Variants in PRIMPOL observed in about 807,000 individuals in gnomAD.
PRIMPOL encodes the protein DNA-directed primase/polymerase protein.
A neutral mutation model predicts 63.6 loss-of-function variants in PRIMPOL; 54 were observed. The ratio of observed to expected loss-of-function variants is 0.85; its 90% CI spans 0.68 to 1.07. PRIMPOL has a LOEUF of 1.07. Among genes scored for constraint, PRIMPOL ranks in the 50% least tolerant of loss-of-function variants. The pLI, the probability that PRIMPOL is intolerant of heterozygous loss-of-function variation, is 0.00. For missense variants in PRIMPOL, 610 were observed against 648.3 expected (o/e 0.94, Z 0.64); for synonymous variants, 197 against 220.2 (o/e 0.89, Z 0.93).
intron 13 of PRIMPOL, chr4:184,694,204 C>T: frequency 1.9e-6 from 2 of 1,054,606 alleles, no homozygotes; most frequent in Non-Finnish European, 2.3e-6. Context: ...TCTGATTTGT[C>T]TTCAGCTGGA....
chr4:184,672,397 C>A lies in PRIMPOL; in HGVS notation c.781C>A (p.Pro261Thr). The change falls in exon 7 of 14, where the codon CCT becomes ACT. Residue 261 changes from proline (P) to threonine (T), a missense_variant. Pro to Thr is a conservative substitution (Grantham distance 38). This residue lies in a region of PRIMPOL where 444 missense variants were observed against 456.4 expected (regional missense o/e 0.97). Coordinates refer to ENST00000314970, the MANE Select transcript of PRIMPOL (RefSeq NM_152683.4). ...ERLGSAEQSS[P>T]DLSFLVVKNN... ...GCTGGGGTCAGCTGAGCAAAGCAGTCCTGACCTTTCATTTCTAGTTGTGAA... is the reference window on the plus strand; with the variant it reads ...GCTGGGGTCAGCTGAGCAAAGCAGTACTGACCTTTCATTTCTAGTTGTGAA... The A allele has an allele frequency of 6.2e-7, 1 of 1,613,434 alleles. No individual in the cohort carries two copies. Among genetic ancestry groups the A allele is most frequent in the Middle Eastern group, 1.7e-4 (1 of 6,058 alleles).
chr4:184,659,490 C>A, intron 4 of PRIMPOL, 53 bp downstream of exon 4: 1 of 1,345,436 alleles, frequency 7.4e-7, no homozygotes, highest in Non-Finnish European at 1.1e-6. Flanking sequence ...ATTTCCTTTG[C>A]CTAGGAATTT....
chr4:184,670,473 A>G (rs920727034), intron 6 of PRIMPOL, among the ~76,000 whole-genome samples: 2 of 152,150 alleles, frequency 1.3e-5, no homozygotes, highest in Middle Eastern at 3.2e-3. Context: ...GCAAGCACCA[A>G]ATGCTTTTGC....
intron 11 of PRIMPOL, among the ~76,000 whole-genome samples, chr4:184,689,768 C>T (rs575290598): frequency 6.6e-6 from 1 of 152,200 alleles, no homozygotes; most frequent in African/African-American, 2.4e-5. Flanking sequence ...GTTAATGGTG[C>T]TTTCTATTAC....
At chr4:184,664,730 T>G (rs1447511311) in intron 5 of PRIMPOL, among the ~76,000 whole-genome samples, 1 of 152,184 alleles carries the variant, frequency 6.6e-6, no homozygotes, top group Non-Finnish European at 1.5e-5. Context: ...CTGGATGGCC[T>G]CCAATCTAGC....
intron 5 of PRIMPOL, 129 bp downstream of exon 5, chr4:184,662,032 T>A (rs1458561294): frequency 1.4e-6 from 1 of 732,910 alleles, no homozygotes; most frequent in African/African-American, 1.8e-5. Flanking sequence ...CCTTTTGACT[T>A]TAGGATTTTT....
chr4:184,686,133 A>G (rs114667102), intron 11 of PRIMPOL, among the ~76,000 whole-genome samples: 4,420 of 152,278 alleles, frequency 0.029, 223 homozygotes, highest in African/African-American at 0.1. Context: ...GTATATGGTT[A>G]GCATTACATA....
chr4:184,693,679 G>A (rs1195946824), intron 13 of PRIMPOL, among the ~76,000 whole-genome samples: 1 of 152,196 alleles, frequency 6.6e-6, no homozygotes, highest in African/African-American at 2.4e-5. Flanking sequence ...GAACTCTGCT[G>A]TCTGTCCTCT....
At chr4:184,675,458 A>G (rs1323196998) in intron 7 of PRIMPOL, among the ~76,000 whole-genome samples, 2 of 152,162 alleles carry the variant, frequency 1.3e-5, no homozygotes, top group African/African-American at 4.8e-5. Flanking sequence ...ACATTTTCCA[A>G]TATTTTAGGC....
chr4:184,661,509 T>A (rs1748296560), intron 4 of PRIMPOL, among the ~76,000 whole-genome samples: 1 of 152,112 alleles, frequency 6.6e-6, no homozygotes, highest in African/African-American at 2.4e-5. Flanking sequence ...GAGTTCAAGA[T>A]CAGCCTGGCC....
At chr4:184,691,463 G>T in intron 11 of PRIMPOL, 36 bp from the exon 12 acceptor site, 1 of 1,247,526 alleles carries the variant, frequency 8.0e-7, no homozygotes, top group Non-Finnish European at 1.1e-6. Context: ...ACCCAGTCTT[G>T]GTATTAATAC....
intron 11 of PRIMPOL, among the ~76,000 whole-genome samples, chr4:184,688,002 C>T (rs372665030): frequency 1.2e-4 from 19 of 152,340 alleles, no homozygotes; most frequent in South Asian, 1.0e-3. Flanking sequence ...TTTTCACCCA[C>T]GTTGCAGTAT....
At chr4:184,679,546 A>G (rs1003862084) in intron 8 of PRIMPOL, among the ~76,000 whole-genome samples, 1 of 152,224 alleles carries the variant, frequency 6.6e-6, no homozygotes, top group African/African-American at 2.4e-5. Context: ...TTTGATGTTG[A>G]TAAGTTATTG....
intron 9 of PRIMPOL, among the ~76,000 whole-genome samples, chr4:184,682,711 C>T (rs1348651603): frequency 6.6e-6 from 1 of 152,076 alleles, no homozygotes; most frequent in Admixed American, 6.6e-5. Flanking sequence ...TCTGTTTTGC[C>T]TTTAAAATCT....
chr4:184,669,218 G>C (rs138433777), intron 6 of PRIMPOL, among the ~76,000 whole-genome samples: 21 of 152,314 alleles, frequency 1.4e-4, no homozygotes, highest in African/African-American at 4.8e-4. Context: ...ACTCCTTACA[G>C]CAACTCCAAA....
chr4:184,680,221 T>C (rs535324922), intron 8 of PRIMPOL, among the ~76,000 whole-genome samples: 63 of 152,114 alleles, frequency 4.1e-4, no homozygotes, highest in African/African-American at 1.5e-3. Context: ...ACAGTCTTGC[T>C]CTGTGGCCTA....
intron 3 of PRIMPOL, among the ~76,000 whole-genome samples, chr4:184,658,634 G>A (rs72689245): frequency 0.096 from 14,594 of 152,018 alleles, 858 homozygotes; most frequent in Middle Eastern, 0.16. Context: ...GGCTGGGTGC[G>A]GTGGCTCATG....
At chr4:184,674,031 G>C (rs1428327671) in intron 7 of PRIMPOL, among the ~76,000 whole-genome samples, 1 of 152,164 alleles carries the variant, frequency 6.6e-6, no homozygotes, top group Non-Finnish European at 1.5e-5. Context: ...GTCAGTGAGG[G>C]AGAGTGCGTA....
chr4:184,674,371 C>T (rs1327149248), intron 7 of PRIMPOL, among the ~76,000 whole-genome samples: 2 of 152,192 alleles, frequency 1.3e-5, no homozygotes, highest in African/African-American at 2.4e-5. Context: ...CTTGTCACCA[C>T]AGCACCCAAG....
Sources: gnomAD v4.1 joint callset for allele counts (sites outside exome capture counted in the v4.1 genomes callset) on GRCh38, gnomAD v4.1.1 for gene constraint, gnomAD v4.1.1 regional missense constraint, MANE v1.5 for transcripts, NCBI Gene and HGNC (gene_info 2026-07-23, HGNC 2026-07-21) for gene names.